The following LRRC1 variants were observed in gnomAD, a reference collection of about 807,000 sequenced individuals.
The protein encoded by LRRC1 is leucine rich repeat containing 1.
In LRRC1, 28 loss-of-function variants were observed where a neutral mutation model predicts 69.9. The ratio of observed to expected loss-of-function variants is 0.40; its 90% confidence interval spans 0.30 to 0.55. LRRC1 has a LOEUF of 0.55. Among genes scored for constraint, LRRC1 ranks in the 20% least tolerant of loss-of-function variants. The pLI, the probability that LRRC1 is intolerant of heterozygous loss-of-function variation, is 0.47. For synonymous variants in LRRC1, 236 were observed against 240.2 expected (o/e 0.98, Z 0.16); for missense variants, 498 against 609.0 (o/e 0.82, Z 1.92).
intron 4 of LRRC1, among the ~76,000 whole-genome samples, chr6:53,893,542 C>G (rs1023452848): frequency 1.3e-5 from 2 of 152,116 alleles, no homozygotes; most frequent in Non-Finnish European, 2.9e-5. Flanking sequence ...GCCCCCAAAT[C>G]TGAAACTTTA....
chr6:53,841,645 C>T (rs1000815186), intron 1 of LRRC1, among the ~76,000 whole-genome samples: 1 of 152,016 alleles, frequency 6.6e-6, no homozygotes, highest in Non-Finnish European at 1.5e-5. Context: ...TTTTTGCTTG[C>T]ACACATTTGT....
At chr6:53,920,820 C>G in intron 13 of LRRC1, 59 bp downstream of exon 13, 2 of 1,564,744 alleles carry the variant, frequency 1.3e-6, no homozygotes, top group Non-Finnish European at 1.8e-6. Context: ...ATTAGAATGG[C>G]ACCTAATAAG....
chr6:53,850,848 C>G (rs955439868), intron 2 of LRRC1, among the ~76,000 whole-genome samples: 2 of 152,210 alleles, frequency 1.3e-5, no homozygotes, highest in Non-Finnish European at 1.5e-5. Context: ...GATGTCACAT[C>G]TTTATTCAAC....
chr6:53,887,014 C>T (rs1767508234), intron 4 of LRRC1, among the ~76,000 whole-genome samples: 1 of 152,176 alleles, frequency 6.6e-6, no homozygotes, highest in African/African-American at 2.4e-5. Flanking sequence ...TGACAAGGTA[C>T]AGAGTATTGC....
At chr6:53,903,155 A>G (rs781569886) in intron 9 of LRRC1, among the ~76,000 whole-genome samples, 3 of 152,134 alleles carry the variant, frequency 2.0e-5, no homozygotes, top group Non-Finnish European at 4.4e-5. Context: ...GAGGAACGAG[A>G]TGGACGTTGG....
At position 53,899,771 on chromosome 6, in the gene LRRC1, C is replaced by G; in HGVS notation, c.667C>G (p.Leu223Val). ...PQEIGNLKNL[L>V]CLDVSENRLE... ...GGAAATAGGAAATCTGAAGAACCTG[C>G]TGTGTTTAGATGTCTCTGAAAACAG... Residue 223 changes from leucine to valine, a missense_variant, in exon 8 of 14, where the codon CTG becomes GTG. By Grantham distance (32) the Leu-to-Val change is conservative. This residue lies in a region of LRRC1 where 266 missense variants were observed against 383.9 expected (regional missense o/e 0.69). Coordinates refer to ENST00000370888, the MANE Select transcript of LRRC1 (RefSeq NM_018214.5). The G allele has an allele frequency of 3.1e-6, 5 of 1,613,872 alleles. No individual in the cohort carries two copies. Among genetic ancestry groups the G allele is most frequent in the South Asian group, 1.1e-5 (1 of 90,988 alleles).
At chr6:53,849,036 C>T (rs1273200494) in intron 2 of LRRC1, among the ~76,000 whole-genome samples, 2 of 148,226 alleles carry the variant, frequency 1.3e-5, no homozygotes, top group South Asian at 2.1e-4. Context: ...GGATTACAGG[C>T]GTGAGCCACT....
chr6:53,860,636 C>T (rs143638180), intron 2 of LRRC1, among the ~76,000 whole-genome samples: 529 of 152,122 alleles, frequency 3.5e-3, no homozygotes, highest in Non-Finnish European at 5.5e-3. Flanking sequence ...TAAATTAGAT[C>T]CAAACAGTCC....
intron 2 of LRRC1, among the ~76,000 whole-genome samples, chr6:53,850,881 G>T (rs1562043206): frequency 1.3e-5 from 2 of 152,094 alleles, no homozygotes; most frequent in Non-Finnish European, 2.9e-5. Context: ...AGTCTTTATG[G>T]GAGGGGAAGA....
intron 1 of LRRC1, among the ~76,000 whole-genome samples, chr6:53,798,037 A>T (rs1054787748): frequency 2.6e-5 from 4 of 152,230 alleles, no homozygotes; most frequent in African/African-American, 9.6e-5. Context: ...TTTACAAGTT[A>T]TTGGGAATAT....
At chr6:53,913,443 A>G (rs1768473792) in intron 10 of LRRC1, among the ~76,000 whole-genome samples, 1 of 152,160 alleles carries the variant, frequency 6.6e-6, no homozygotes. Context: ...TGTGTGTATC[A>G]GTATCACCTT....
At chr6:53,900,020 GTTTTTTTTTTTTTTTTTTT>G (rs869246243) in intron 8 of LRRC1, 129 bp downstream of exon 8, 24 of 190,432 alleles carry the variant, frequency 1.3e-4, no homozygotes, top group Non-Finnish European at 1.8e-4. Context: ...TCTCCTTACT[GTTTTTTTTTTTTTTTTTTT>G]TTTTTTTTTT....
At chr6:53,879,986 C>G (rs1767230996) in intron 3 of LRRC1, among the ~76,000 whole-genome samples, 3 of 152,142 alleles carry the variant, frequency 2.0e-5, no homozygotes, top group South Asian at 2.1e-4. Context: ...TAAGATTTCT[C>G]AAGAATCTGA....
chr6:53,828,429 C>T (rs1028455676), intron 1 of LRRC1, among the ~76,000 whole-genome samples: 1 of 152,208 alleles, frequency 6.6e-6, no homozygotes. Context: ...GGCTTGTCTC[C>T]GTTTTCCAAT....
chr6:53,847,529 G>A (rs6909094), intron 2 of LRRC1, among the ~76,000 whole-genome samples: 40,236 of 152,086 alleles, frequency 0.26, 5,459 homozygotes, highest in African/African-American at 0.29. Context: ...TCATCAACTT[G>A]AGTTAACAAG....
Position 53,795,130 on chromosome 6 carries a change from G to T in LRRC1, c.-127G>T. On this transcript the variant is annotated 5_prime_UTR_variant, in exon 1 of 14. Transcript: ENST00000370888. ...GACCGCGAAGCCCGGCGCGAGAAGC[G>T]AGCTAACCCAAGAGCCAACAACGAG... 1 of 823,318 alleles carries T rather than the reference G, an allele frequency of 1.2e-6. No homozygotes were observed. The highest frequency in any genetic ancestry group is 1.8e-6 in the Non-Finnish European group (1 of 553,676). The allele number at this position is 823,318 out of a possible 1,614,324, so 51.0% of individuals were successfully genotyped here. A position where few individuals can be genotyped will look rare whatever the true frequency, so the allele number is the denominator to read the frequency against.
chr6:53,807,010 GA>G (rs1764652384), intron 1 of LRRC1, among the ~76,000 whole-genome samples: 1 of 100,252 alleles, frequency 1.0e-5, no homozygotes, highest in Non-Finnish European at 2.5e-5. Context: ...GGTGTTGTTT[GA>G]AACTTCCCTT....
chr6:53,888,283 G>T (rs780840098), intron 4 of LRRC1, among the ~76,000 whole-genome samples: 22 of 152,210 alleles, frequency 1.4e-4, no homozygotes, highest in African/African-American at 5.1e-4. Flanking sequence ...AATTCAGGAA[G>T]ATGGCAGGAT....
chr6:53,863,371 T>C (rs1766592580), intron 2 of LRRC1, among the ~76,000 whole-genome samples: 1 of 152,238 alleles, frequency 6.6e-6, no homozygotes, highest in Non-Finnish European at 1.5e-5. Flanking sequence ...GTTTGCCTCT[T>C]CTGTGGATGA....
Sources: allele counts gnomAD v4.1 joint callset (sites outside exome capture counted in the v4.1 genomes callset), GRCh38; gene constraint gnomAD v4.1.1; regional missense constraint gnomAD v4.1.1; transcripts MANE v1.5; gene names NCBI Gene and HGNC (gene_info 2026-07-23, HGNC 2026-07-21).